UGGT2: variants seen among roughly 807,000 people sequenced by gnomAD.
UGGT2 encodes the protein UDP-glucose:glycoprotein glucosyltransferase 2.
In UGGT2, 180 loss-of-function variants were observed where a neutral mutation model predicts 192.1. That is an observed-to-expected ratio of 0.94 (90% CI 0.83 to 1.06). The LOEUF is 1.06. Ranked by LOEUF, UGGT2 falls within the 50% of genes least tolerant of loss-of-function variation. The pLI, the probability that UGGT2 is intolerant of heterozygous loss-of-function variation, is 0.00. For missense variants in UGGT2, 1,849 were observed against 1,795.7 expected (o/e 1.03, Z -0.54); for synonymous variants, 580 against 591.0 (o/e 0.98, Z 0.27).
chr13:95,850,944 A>G (rs1377500834), intron 36 of UGGT2, among the ~76,000 whole-genome samples: 1 of 152,218 alleles, frequency 6.6e-6, no homozygotes, highest in Non-Finnish European at 1.5e-5. Flanking sequence ...CCCATATCCA[A>G]TGACTGGTTG....
At chr13:96,009,062 G>A (rs1445019071) in intron 5 of UGGT2, among the ~76,000 whole-genome samples, 2 of 152,110 alleles carry the variant, frequency 1.3e-5, no homozygotes, top group African/African-American at 4.8e-5. Flanking sequence ...TCTGATTTTT[G>A]ACAAAGCTGA....
At chr13:95,930,682 G>A (rs1594362260) in intron 17 of UGGT2, among the ~76,000 whole-genome samples, 1 of 152,282 alleles carries the variant, frequency 6.6e-6, no homozygotes, top group East Asian at 1.9e-4. Context: ...CTGTGAAGTT[G>A]GGTAATACTG....
At chr13:95,989,241 A>T (rs530771297) in intron 8 of UGGT2, among the ~76,000 whole-genome samples, 1 of 152,144 alleles carries the variant, frequency 6.6e-6, no homozygotes, top group Non-Finnish European at 1.5e-5. Flanking sequence ...TAGTAATGTC[A>T]TTATTTACAT....
At chr13:96,022,052 C>A (rs1277019358) in intron 4 of UGGT2, among the ~76,000 whole-genome samples, 1 of 151,940 alleles carries the variant, frequency 6.6e-6, no homozygotes, top group Admixed American at 6.6e-5. Flanking sequence ...AGAAGAAATC[C>A]TCCTGTCAGA....
intron 24 of UGGT2, among the ~76,000 whole-genome samples, chr13:95,892,147 T>C (rs569641155): frequency 2.0e-5 from 3 of 152,234 alleles, no homozygotes; most frequent in East Asian, 3.9e-4. Flanking sequence ...GTATGCTGTA[T>C]GAGATGTAAT....
At chr13:95,931,414 C>T (rs920271743) in intron 17 of UGGT2, among the ~76,000 whole-genome samples, 3 of 152,288 alleles carry the variant, frequency 2.0e-5, no homozygotes, top group South Asian at 4.1e-4. Context: ...GGGAGCTGCC[C>T]GCCACTCCCG....
chr13:96,049,491 G>A (rs1254845803), intron 1 of UGGT2, among the ~76,000 whole-genome samples: 1 of 152,102 alleles, frequency 6.6e-6, no homozygotes, highest in East Asian at 1.9e-4. Flanking sequence ...CAATCAGGCA[G>A]GAGAAAGAAA....
intron 20 of UGGT2, among the ~76,000 whole-genome samples, chr13:95,905,394 T>TGC (rs1430227100): frequency 6.6e-6 from 1 of 152,032 alleles, no homozygotes; most frequent in African/African-American, 2.4e-5. Context: ...TGAATGGTAA[T>TGC]GCCTAGGTTT....
chr13:95,858,824 T>C (rs1414048904), intron 33 of UGGT2, among the ~76,000 whole-genome samples: 1 of 152,170 alleles, frequency 6.6e-6, no homozygotes, highest in Non-Finnish European at 1.5e-5. Flanking sequence ...TGTGGGATTG[T>C]TATGAAAAAC....
chr13:95,896,415 T>C (rs2047947334), intron 22 of UGGT2, among the ~76,000 whole-genome samples: 1 of 152,106 alleles, frequency 6.6e-6, no homozygotes, highest in African/African-American at 2.4e-5. Flanking sequence ...AGTACTCATA[T>C]AAACATTTCA....
chr13:95,937,618 C>A (rs2049508947), intron 16 of UGGT2, among the ~76,000 whole-genome samples: 1 of 152,118 alleles, frequency 6.6e-6, no homozygotes, highest in Non-Finnish European at 1.5e-5. Context: ...TCAAGGGGTT[C>A]ACATACAGAC....
At chr13:95,835,504 T>C (rs546839834) in intron 37 of UGGT2, among the ~76,000 whole-genome samples, 2 of 152,220 alleles carry the variant, frequency 1.3e-5, no homozygotes, top group Admixed American at 6.5e-5. Flanking sequence ...AATGCCTTTT[T>C]ATTTGTTTCT....
intron 27 of UGGT2, among the ~76,000 whole-genome samples, chr13:95,882,691 C>T (rs1462311411): frequency 6.6e-6 from 1 of 152,090 alleles, no homozygotes; most frequent in Non-Finnish European, 1.5e-5. Flanking sequence ...AGTGTTCATC[C>T]GAACAACTTC....
intron 20 of UGGT2, among the ~76,000 whole-genome samples, chr13:95,922,490 AT>A (rs1317459896): frequency 6.6e-6 from 1 of 152,144 alleles, no homozygotes; most frequent in Non-Finnish European, 1.5e-5. Flanking sequence ...TGAAAGAAAA[AT>A]TTTCCCTATA....
intron 17 of UGGT2, 38 bp from the exon 18 acceptor site, chr13:95,927,374 A>ATTTTTTTTT: frequency 6.5e-7 from 1 of 1,527,770 alleles, no homozygotes; most frequent in South Asian, 1.3e-5. Context: ...AATACAGGCA[A>ATTTTTTTTT]TTTATATCCA....
intron 38 of UGGT2, among the ~76,000 whole-genome samples, chr13:95,817,346 G>A (rs1191270379): frequency 6.6e-6 from 1 of 152,072 alleles, no homozygotes; most frequent in African/African-American, 2.4e-5. Flanking sequence ...GCACTTTGCG[G>A]GGCTAAGGTA....
At chr13:96,022,101 C>T (rs1566833545) in intron 4 of UGGT2, among the ~76,000 whole-genome samples, 2 of 151,938 alleles carry the variant, frequency 1.3e-5, no homozygotes, top group Admixed American at 6.6e-5. Context: ...AACAGTATGG[C>T]ACTACTATAA....
intron 13 of UGGT2, among the ~76,000 whole-genome samples, 180 bp from the exon 14 acceptor site, chr13:95,948,261 G>C (rs2049946495): frequency 8.8e-6 from 1 of 113,532 alleles, no homozygotes; most frequent in African/African-American, 2.9e-5. Context: ...ACATATAAAG[G>C]ATTTCACAAT....
At chr13:95,931,423 C>A (rs1034515429) in intron 17 of UGGT2, among the ~76,000 whole-genome samples, 1 of 152,192 alleles carries the variant, frequency 6.6e-6, no homozygotes, top group South Asian at 2.1e-4. Context: ...CCGCCACTCC[C>A]GCACCTTGCA....
Sources: allele counts gnomAD v4.1 joint callset (sites outside exome capture counted in the v4.1 genomes callset), GRCh38; gene constraint gnomAD v4.1.1; transcripts MANE v1.5; gene names NCBI Gene and HGNC (gene_info 2026-07-23, HGNC 2026-07-21).